The following DPP4 variants were observed in gnomAD, a reference collection of about 807,000 sequenced individuals.
DPP4 encodes dipeptidyl peptidase 4.
In DPP4, 93 loss-of-function variants were observed where a neutral mutation model predicts 122.4. That is an observed-to-expected ratio of 0.76 (90% CI 0.64 to 0.90). The LOEUF (loss-of-function observed/expected upper bound fraction) is 0.90. Among genes scored for constraint, DPP4 ranks in the 40% least tolerant of loss-of-function variants. DPP4 has a pLI of 0.00. For synonymous variants in DPP4, 321 were observed against 302.9 expected, an observed-to-expected ratio of 1.06 and a Z score of -0.62; for missense variants, 914 against 907.3, an observed-to-expected ratio of 1.01 and a Z score of -0.09.
intron 2 of DPP4, among the ~76,000 whole-genome samples, chr2:162,067,893 G>A (rs539573535): frequency 1.3e-5 from 2 of 152,260 alleles, no homozygotes; most frequent in Admixed American, 1.3e-4. Flanking sequence ...GCCATTCATG[G>A]GAACCAGCAG....
intron 18 of DPP4, among the ~76,000 whole-genome samples, chr2:162,015,638 C>A (rs987522766): frequency 6.6e-6 from 1 of 151,838 alleles, no homozygotes; most frequent in African/African-American, 2.4e-5. Flanking sequence ...CCTGACCTAC[C>A]TTTCATCCCT....
chr2:162,027,631 G>T (rs1181926196), intron 10 of DPP4, among the ~76,000 whole-genome samples: 1 of 152,164 alleles, frequency 6.6e-6, no homozygotes, highest in Non-Finnish European at 1.5e-5. Context: ...AAGTGCTCTG[G>T]TAGAGCGAAG....
At position 162,022,844 on chromosome 2, in the gene DPP4, G is replaced by C. The variant is rs1393967328; in HGVS notation, c.1024-45C>G. The C allele has an allele frequency of 2.5e-6, 4 of 1,598,168 alleles. No individual in the cohort carries two copies. The Admixed American group carries it at 5.0e-5, about 20-fold the overall frequency. Reference sequence around the variant, plus strand: ...ATGACAGCATTTCAAAGAGAAGTCAGATGAAATCTATAGCCATAATTTGTG... The same window carrying C: ...ATGACAGCATTTCAAAGAGAAGTCACATGAAATCTATAGCCATAATTTGTG... On this transcript the variant is annotated intron_variant, in intron 11 of 25. Transcript: ENST00000360534.
In DPP4 at chr2:161,995,328, C is replaced by T. The variant is rs764143939; in HGVS notation, c.2097G>A (p.Glu699=). 9.9e-6 allele frequency: 16 copies of T among 1,613,842 alleles called. No individual in the cohort carries two copies. Among genetic ancestry groups the T allele is most frequent in the Non-Finnish European group, 1.3e-5 (15 of 1,179,930 alleles). Residue 699 remains glutamate (E), a synonymous_variant, in exon 24 of 26, where the codon GAG becomes GAA. Transcript: ENST00000360534. ...MSRAENFKQV[E]YLLIHGTADD... ...CTGCTGTTCCATGAATAAGGAGGTA[C>T]TCAACTTGTTTAAAATTTTCAGCTC...
At chr2:162,048,947 A>G (rs1188240449) in intron 2 of DPP4, among the ~76,000 whole-genome samples, 1 of 152,214 alleles carries the variant, frequency 6.6e-6, no homozygotes, top group Non-Finnish European at 1.5e-5. Flanking sequence ...TTTATTGGTT[A>G]ATGTAGGATA....
chr2:162,005,778 G>C lies in DPP4; in HGVS notation c.2019C>G (p.Leu673=), dbSNP rs745392924. 6 of 1,612,868 alleles carry C rather than the reference G, an allele frequency of 3.7e-6. No individual in the cohort carries two copies. The African/African-American group carries it at 6.7e-5, about 18-fold the overall frequency. ...GGTCAAGGTTGTCTTCTGGAGTTGG[G>C]AGACCCATGTAACGTTCTGTGTACA... ...DSVYTERYMG[L]PTPEDNLDHY... is the part of the protein sequence containing the mutation. Residue 673 remains leucine (L), a synonymous_variant, in exon 23 of 26, where the codon CTC becomes CTG. Coordinates refer to ENST00000360534, the MANE Select transcript of DPP4 (RefSeq NM_001935.4).
chr2:162,014,037 G>C (rs879618583), intron 19 of DPP4, among the ~76,000 whole-genome samples: 177 of 152,124 alleles, frequency 1.2e-3, no homozygotes, highest in Admixed American at 0.012. Flanking sequence ...GTGGGAGCTG[G>C]GGTAAGGGAA....
chr2:162,047,049 T>A, intron 3 of DPP4, 43 bp from the exon 4 acceptor site: 1 of 1,086,470 alleles, frequency 9.2e-7, no homozygotes, highest in Non-Finnish European at 1.4e-6. Context: ...AAGTTGTTAT[T>A]AAACATCTTC....
chr2:162,038,888 A>G, intron 7 of DPP4, 61 bp downstream of exon 7: 1 of 1,449,036 alleles, frequency 6.9e-7, no homozygotes, highest in South Asian at 1.1e-5. Flanking sequence ...CAGGGTTAGT[A>G]ACTTCTGCCT....
chr2:162,047,353 A>C (rs985451084), intron 3 of DPP4, 50 bp downstream of exon 3: 21 of 1,096,070 alleles, frequency 1.9e-5, no homozygotes, highest in Non-Finnish European at 2.7e-5. Context: ...TCTCGACTTA[A>C]CTAGAATGAA....
At chr2:162,060,322 T>C (rs1219714066) in intron 2 of DPP4, among the ~76,000 whole-genome samples, 1 of 152,146 alleles carries the variant, frequency 6.6e-6, no homozygotes, top group Non-Finnish European at 1.5e-5. Context: ...AGAGTGCAAA[T>C]TCAGAAAACT....
intron 2 of DPP4, among the ~76,000 whole-genome samples, chr2:162,049,776 T>C (rs1352054489): frequency 6.6e-6 from 1 of 152,200 alleles, no homozygotes; most frequent in Non-Finnish European, 1.5e-5. Context: ...AAGTTGTAGG[T>C]TAATAAAAGA....
chr2:161,993,110 C>T lies in DPP4; in HGVS notation c.*173G>A. 1.8e-6 allele frequency: 1 copy of T among 559,460 alleles called. No homozygotes were observed. Among genetic ancestry groups the T allele is most frequent in the East Asian group, 2.9e-5 (1 of 34,504 alleles). The allele number at this position is 559,460 out of a possible 1,614,324, so 34.7% of individuals were successfully genotyped here. On this transcript the variant is annotated 3_prime_UTR_variant, in exon 26 of 26. Transcript: ENST00000360534. ...GTAAGGTAATAATCTGTTGTGAAGA[C>T]AGAAGTCCCTACTTAAGATGATAGG...
At chr2:162,046,446 T>G (rs1684175624) in intron 4 of DPP4, among the ~76,000 whole-genome samples, 1 of 152,174 alleles carries the variant, frequency 6.6e-6, no homozygotes, top group South Asian at 2.1e-4. Context: ...TAAGATGCTT[T>G]CAGTGTGCTA....
intron 5 of DPP4, among the ~76,000 whole-genome samples, 192 bp from the exon 6 acceptor site, chr2:162,039,376 G>C (rs1429913681): frequency 6.6e-6 from 1 of 151,718 alleles, no homozygotes; most frequent in Non-Finnish European, 1.5e-5. Flanking sequence ...AACTCCTCTG[G>C]AGTTCATCTA....
At chr2:162,029,927 T>C (rs1183813197) in intron 10 of DPP4, among the ~76,000 whole-genome samples, 1 of 152,220 alleles carries the variant, frequency 6.6e-6, no homozygotes, top group Non-Finnish European at 1.5e-5. Context: ...CAAAGCCATC[T>C]AGATAACTTA....
intron 8 of DPP4, among the ~76,000 whole-genome samples, chr2:162,037,867 G>A (rs372361522): frequency 1.1e-3 from 166 of 152,046 alleles, no homozygotes; most frequent in African/African-American, 3.8e-3. Flanking sequence ...CTATAAAATA[G>A]GCATTTTCTT....
intron 20 of DPP4, among the ~76,000 whole-genome samples, chr2:162,009,779 C>G (rs962443108): frequency 2.6e-5 from 4 of 152,068 alleles, no homozygotes; most frequent in African/African-American, 9.7e-5. Context: ...ACACCATTCT[C>G]TAAATAAATC....
intron 2 of DPP4, among the ~76,000 whole-genome samples, chr2:162,053,030 G>A (rs1040747561): frequency 6.6e-6 from 1 of 152,190 alleles, no homozygotes; most frequent in Non-Finnish European, 1.5e-5. Flanking sequence ...GGTTTCTCCT[G>A]ACATCCTATA....
Sources: gnomAD v4.1 joint callset for allele counts (sites outside exome capture counted in the v4.1 genomes callset) on GRCh38, gnomAD v4.1.1 for gene constraint, MANE v1.5 for transcripts, NCBI Gene and HGNC (gene_info 2026-07-23, HGNC 2026-07-21) for gene names.